Variants in RORA observed in about 807,000 individuals in gnomAD.
RORA encodes nuclear receptor ROR-alpha.
RORA carries 7 observed loss-of-function variants against 69.5 expected under a neutral mutation model. The ratio of observed to expected loss-of-function variants is 0.10; its 90% CI spans 0.06 to 0.19. RORA has a LOEUF of 0.19. Ranked by LOEUF, RORA falls within the 10% of genes least tolerant of loss-of-function variation. The pLI is 1.00. For missense variants in RORA, 457 were observed against 663.0 expected (o/e 0.69, Z 3.41); for synonymous variants, 261 against 240.8 (o/e 1.08, Z -0.78).
intron 1 of RORA, among the ~76,000 whole-genome samples, chr15:60,957,732 A>G (rs537859352): frequency 1.3e-5 from 2 of 152,316 alleles, no homozygotes; most frequent in African/African-American, 4.8e-5. Flanking sequence ...AGCTAGAGAA[A>G]GGGGGGACAG....
rs2065913867 is a variant in RORA at position 60,516,127 on chromosome 15, TTA to T, written c.283-1372_283-1371del. Among the ~76,000 whole-genome samples, 7 of 63,720 alleles carry T rather than the reference TTA, an allele frequency of 1.1e-4. 1 individual carries two copies. The highest frequency in any genetic ancestry group is 1.7e-4 in the Non-Finnish European group (6 of 34,374). The allele number at this position is 63,720 out of a possible 152,430, so 41.8% of individuals were successfully genotyped here. A position where few individuals can be genotyped will look rare whatever the true frequency, so the allele number is the denominator to read the frequency against. ...TATATATTATATTATATATATTATATTAAATATATTTATATATATTTATATAT... is the reference window on the plus strand; with the variant it reads ...TATATATTATATTATATATATTATATAATATATTTATATATATTTATATAT... On this transcript the variant is annotated intron_variant, in intron 3 of 10. Transcript: ENST00000335670.
chr15:60,497,671 A>G, intron 10 of RORA, 52 bp from the exon 11 acceptor site: 1 of 1,439,186 alleles, frequency 6.9e-7, no homozygotes, highest in Non-Finnish European at 9.7e-7. Flanking sequence ...CATAAGCATC[A>G]AAGATCAGGG....
At chr15:60,992,418 T>C (rs1338125052) in intron 1 of RORA, among the ~76,000 whole-genome samples, 1 of 152,154 alleles carries the variant, frequency 6.6e-6, no homozygotes, top group African/African-American at 2.4e-5. Flanking sequence ...ACACGACCCA[T>C]ACATTACAAA....
At chr15:60,656,804 A>G (rs531497950) in intron 2 of RORA, among the ~76,000 whole-genome samples, 1 of 152,344 alleles carries the variant, frequency 6.6e-6, no homozygotes, top group South Asian at 2.1e-4. Flanking sequence ...AAATCTGTTG[A>G]CCACCACTCT....
At chr15:60,805,048 G>A (rs189263434) in intron 1 of RORA, among the ~76,000 whole-genome samples, 13 of 152,318 alleles carry the variant, frequency 8.5e-5, no homozygotes, top group Non-Finnish European at 1.5e-4. Flanking sequence ...TGTTTAAGGC[G>A]TGAAAATTGT....
intron 1 of RORA, among the ~76,000 whole-genome samples, chr15:60,829,763 G>A (rs1416784483): frequency 6.6e-6 from 1 of 152,210 alleles, no homozygotes; most frequent in Non-Finnish European, 1.5e-5. Flanking sequence ...CAGTGCTGGT[G>A]ATGATCTCTG....
At chr15:60,923,749 T>C (rs768684156) in intron 1 of RORA, among the ~76,000 whole-genome samples, 9 of 152,150 alleles carry the variant, frequency 5.9e-5, no homozygotes, top group Non-Finnish European at 1.0e-4. Flanking sequence ...ATACCTTCTG[T>C]GTCATTTATG....
intron 1 of RORA, among the ~76,000 whole-genome samples, chr15:60,709,958 G>A (rs907291775): frequency 2.6e-5 from 4 of 152,084 alleles, no homozygotes; most frequent in African/African-American, 9.7e-5. Context: ...CACATGTGAG[G>A]CAGTGGCTGC....
chr15:60,866,523 C>G (rs141109229), intron 1 of RORA, among the ~76,000 whole-genome samples: 188 of 152,224 alleles, frequency 1.2e-3, no homozygotes, highest in African/African-American at 4.1e-3. Context: ...TAATGACTGC[C>G]CTTTAGGAAG....
intron 1 of RORA, among the ~76,000 whole-genome samples, chr15:61,035,494 G>A (rs1158121966): frequency 1.3e-5 from 2 of 152,136 alleles, no homozygotes; most frequent in Non-Finnish European, 2.9e-5. Flanking sequence ...AAAGTCCTAA[G>A]AATCTGGTCT....
intron 3 of RORA, among the ~76,000 whole-genome samples, chr15:60,515,424 T>C (rs994148686): frequency 2.6e-5 from 1 of 39,110 alleles, no homozygotes; most frequent in African/African-American, 4.8e-5. Flanking sequence ...AGTCCAATGC[T>C]CATCAAGTTC....
intron 1 of RORA, among the ~76,000 whole-genome samples, chr15:60,791,032 T>C (rs932286747): frequency 6.7e-6 from 1 of 149,350 alleles, no homozygotes; most frequent in African/African-American, 2.4e-5. Flanking sequence ...CTTTTGCTTG[T>C]TTGGTGGTGT....
intron 1 of RORA, among the ~76,000 whole-genome samples, chr15:60,998,415 TGAGACAGAGTC>T: frequency 6.8e-6 from 1 of 146,228 alleles, no homozygotes; most frequent in East Asian, 2.0e-4. Context: ...TTTTTTTTTT[TGAGACAGAGTC>T]TGGCTCCTTT....
At chr15:60,696,943 A>G (rs2070915218) in intron 1 of RORA, among the ~76,000 whole-genome samples, 1 of 152,182 alleles carries the variant, frequency 6.6e-6, no homozygotes, top group Non-Finnish European at 1.5e-5. Context: ...TCATTTTTCA[A>G]ATCGACTTAA....
chr15:61,046,478 G>A (rs1053725314), intron 1 of RORA, among the ~76,000 whole-genome samples: 6 of 152,122 alleles, frequency 3.9e-5, no homozygotes, highest in Admixed American at 6.6e-5. Flanking sequence ...ACTGAGTGTC[G>A]CAATCATCCT....
chr15:60,593,569 G>C (rs2068600237), intron 2 of RORA: 1 of 152,096 alleles, frequency 6.6e-6, no homozygotes, highest in African/African-American at 2.4e-5. Context: ...TTATTTTACA[G>C]GTCAATCTCT....
intron 10 of RORA, among the ~76,000 whole-genome samples, 168 bp from the exon 11 acceptor site, chr15:60,497,787 G>A (rs906871386): frequency 5.9e-5 from 9 of 152,068 alleles, no homozygotes; most frequent in South Asian, 2.1e-4. Context: ...GGCTGGGCGC[G>A]GTGGCTCATG....
chr15:60,849,608 G>A (rs1169746172), intron 1 of RORA, among the ~76,000 whole-genome samples: 4 of 152,180 alleles, frequency 2.6e-5, no homozygotes, highest in Non-Finnish European at 2.9e-5. Flanking sequence ...TGGGGCTTTA[G>A]GTATGAGCAG....
At chr15:60,743,245 C>T (rs2071601296) in intron 1 of RORA, among the ~76,000 whole-genome samples, 1 of 151,976 alleles carries the variant, frequency 6.6e-6, no homozygotes, top group African/African-American at 2.4e-5. Context: ...GAACTCCTTA[C>T]CTCAAGTGAT....
Sources: gnomAD v4.1 joint callset for allele counts (sites outside exome capture counted in the v4.1 genomes callset) on GRCh38, gnomAD v4.1.1 for gene constraint, MANE v1.5 for transcripts, NCBI Gene and HGNC (gene_info 2026-07-23, HGNC 2026-07-21) for gene names.